Variants in CD164 observed in about 807,000 individuals in gnomAD.
CD164 encodes sialomucin core protein 24.
Under a neutral mutation model 24.6 loss-of-function variants are expected in CD164, and 11 were observed. That is an observed-to-expected ratio of 0.45 (90% CI 0.28 to 0.74). The LOEUF (loss-of-function observed/expected upper bound fraction) is 0.74, where lower values mean the gene tolerates loss of function less well. CD164 is among the 30% of genes least tolerant of loss of function. The probability of loss-of-function intolerance (pLI) is 0.13; values close to 1 mark genes in which losing one functional copy is unlikely to be tolerated. For synonymous variants in CD164, 126 were observed against 100.3 expected (o/e 1.26, Z -1.53); for missense variants, 295 against 243.7 (o/e 1.21, Z -1.40).
chr6:109,374,898 T>C (rs991387786), intron 4 of CD164, among the ~76,000 whole-genome samples: 5 of 152,154 alleles, frequency 3.3e-5, no homozygotes, highest in African/African-American at 9.7e-5. Flanking sequence ...TTCTTACAAA[T>C]TTCCCAATAC....
At chr6:109,380,024 A>T (rs1771648406) in intron 1 of CD164, 1 of 159,544 alleles carries the variant, frequency 6.3e-6, no homozygotes, top group Non-Finnish European at 1.4e-5. Context: ...ATATAATACC[A>T]ACACTACACA....
chr6:109,375,996 A>C (rs1471139441), intron 4 of CD164, 78 bp downstream of exon 4: 2 of 1,100,972 alleles, frequency 1.8e-6, no homozygotes, highest in African/African-American at 3.3e-5. Context: ...CAACTTTTAC[A>C]TAATTATTTA....
At chr6:109,381,994 C>T (rs1014640246) in intron 1 of CD164, 30 of 391,146 alleles carry the variant, frequency 7.7e-5, no homozygotes, top group African/African-American at 5.5e-4. Flanking sequence ...CTGGGAACCG[C>T]GCGTCCGCTT....
chr6:109,379,292 A>G (rs1277067368), intron 2 of CD164, among the ~76,000 whole-genome samples: 1 of 152,188 alleles, frequency 6.6e-6, no homozygotes, highest in Admixed American at 6.5e-5. Flanking sequence ...GGATTGCTTG[A>G]GCCTAGGATT....
At chr6:109,371,943 G>A (rs946182365) in intron 4 of CD164, 1 of 152,188 alleles carries the variant, frequency 6.6e-6, no homozygotes, top group Non-Finnish European at 1.5e-5. Flanking sequence ...TTATAAAAAT[G>A]TAAGGTGCTA....
rs1200521037 is a variant in CD164 at position 109,370,486 on chromosome 6, G to A, written c.371-19C>T. The A allele has an allele frequency of 6.2e-7, 1 of 1,604,590 alleles. No homozygotes were observed. Among genetic ancestry groups the A allele is most frequent in the Non-Finnish European group, 8.5e-7 (1 of 1,174,902 alleles). On this transcript the variant is annotated intron_variant, in intron 4 of 5. Transcript: ENST00000310786. Reference sequence around the variant, plus strand: ...GGTTTAGCTGGAATGAAAACAAAATGTCTTTTTAAAAAACCTTAAATTTCT... The same window carrying A: ...GGTTTAGCTGGAATGAAAACAAAATATCTTTTTAAAAAACCTTAAATTTCT...
In CD164 at chr6:109,377,894, A is replaced by G; in HGVS notation, c.331+6T>C. The G allele has an allele frequency of 1.2e-6, 2 of 1,611,116 alleles. No individual in the cohort carries two copies. The highest frequency in any genetic ancestry group is 1.7e-6 in the Non-Finnish European group (2 of 1,177,368). On this transcript the variant is annotated splice_donor_region_variant and intron_variant, in intron 3 of 5. Coordinates refer to ENST00000310786, the MANE Select transcript of CD164 (RefSeq NM_006016.6). ...CAGCTTCCAAGCAGCCAATATGAAT[A>G]CTTACCGGAACAGAAGTCTGTCGTG...
chr6:109,374,663 A>G (rs1771293217), intron 4 of CD164, among the ~76,000 whole-genome samples: 1 of 152,212 alleles, frequency 6.6e-6, no homozygotes, highest in Non-Finnish European at 1.5e-5. Flanking sequence ...AGGCATACAA[A>G]GGTGTTTCCC....
intron 2 of CD164, among the ~76,000 whole-genome samples, chr6:109,378,738 T>TA (rs901970057): frequency 6.6e-6 from 1 of 151,514 alleles, no homozygotes; most frequent in African/African-American, 2.4e-5. Context: ...TTTTATGACC[T>TA]AAAAAAAAGA....
intron 4 of CD164, among the ~76,000 whole-genome samples, chr6:109,375,368 G>T (rs1771334214): frequency 6.6e-6 from 1 of 152,006 alleles, no homozygotes; most frequent in Admixed American, 6.6e-5. Flanking sequence ...TGTAATCCCG[G>T]CTCTTTGGGA....
rs1295542073 is a variant in CD164, at chr6:109,367,399, T to C, written c.*1452A>G. The C allele has an allele frequency of 1.3e-5, 2 of 152,404 alleles. No individual in the cohort carries two copies. Among genetic ancestry groups the C allele is most frequent in the Non-Finnish European group, 2.9e-5 (2 of 67,996 alleles). 9.4% of individuals were successfully genotyped at this position (152,404 alleles called of 1,614,324 possible). On this transcript the variant is annotated 3_prime_UTR_variant, in exon 6 of 6. Coordinates refer to ENST00000310786, the MANE Select transcript of CD164 (RefSeq NM_006016.6). The stretch of plus-strand genomic sequence containing the variant: ...ATCAAGTGCGAAACTCAGCCACTAT[T>C]GGCTAAAGAAACTAAATAAAAAACG...
At chr6:109,376,147 T>A (rs758221714) in intron 3 of CD164, 35 bp from the exon 4 acceptor site, 3 of 1,478,950 alleles carry the variant, frequency 2.0e-6, no homozygotes, top group Non-Finnish European at 2.7e-6. Context: ...ACCATATACA[T>A]CAAAGCTATT....
chr6:109,368,353 A>G lies in CD164; in HGVS notation c.*498T>C. On this transcript the variant is annotated 3_prime_UTR_variant, in exon 6 of 6. Coordinates refer to ENST00000310786, the MANE Select transcript of CD164 (RefSeq NM_006016.6). ...AATGTAGAAAAAACAGCTGTTATCA[A>G]GCACAAAATTTTAATCTAAGGATAC... 1.3e-6 allele frequency: 2 copies of G among 1,530,478 alleles called. No individual in the cohort carries two copies. The highest frequency in any genetic ancestry group is 1.2e-5 in the South Asian group (1 of 80,648). 94.8% of individuals were successfully genotyped at this position (1,530,478 alleles called of 1,614,324 possible).
intron 4 of CD164, chr6:109,372,379 C>A (rs578116353): frequency 1.3e-5 from 2 of 152,248 alleles, no homozygotes; most frequent in East Asian, 3.9e-4. Context: ...TTGACTGAAT[C>A]CTAGGAAACT....
At chr6:109,373,892 T>G (rs901817823) in intron 4 of CD164, among the ~76,000 whole-genome samples, 1 of 152,184 alleles carries the variant, frequency 6.6e-6, no homozygotes, top group Non-Finnish European at 1.5e-5. Flanking sequence ...TCACTGAACA[T>G]GGGCTGGGAA....
At chr6:109,381,290 G>A (rs1275395011) in intron 1 of CD164, among the ~76,000 whole-genome samples, 1 of 152,094 alleles carries the variant, frequency 6.6e-6, no homozygotes, top group African/African-American at 2.4e-5. Context: ...CTATGCGACT[G>A]CACATAACAA....
chr6:109,381,952 A>G, intron 1 of CD164: 1 of 382,014 alleles, frequency 2.6e-6, no homozygotes, highest in Middle Eastern at 7.0e-4. Context: ...TCGACTTGCA[A>G]CACTTCGAGG....
rs368799216 is a variant in CD164 at position 109,373,368 on chromosome 6, C to T, written c.370+2706G>A. 4.6e-5 allele frequency among the ~76,000 whole-genome samples: 7 copies of T among 152,258 alleles called. No individual in the cohort carries two copies. In the East Asian group the frequency reaches 1.2e-3, roughly 25 times the overall value. On this transcript the variant is annotated intron_variant, in intron 4 of 5. Coordinates refer to ENST00000310786, the MANE Select transcript of CD164 (RefSeq NM_006016.6). The stretch of plus-strand genomic sequence containing the variant: ...ATTCTCTTTGCATTGTTTAACTACC[C>T]CTTCACTTCTCACTTGCTCTCTTCG...
chr6:109,377,926 A>G lies in CD164; in HGVS notation c.305T>C (p.Val102Ala). The G allele has an allele frequency of 6.2e-7, 1 of 1,613,914 alleles. No homozygotes were observed. The highest frequency in any genetic ancestry group is 1.7e-5 in the Admixed American group (1 of 60,026). ...SHNSTVSDCQVGNTTDFCSVS... is the reference protein window; with the variant it reads ...SHNSTVSDCQAGNTTDFCSVS... Reference sequence around the variant, plus strand: ...GGAACAGAAGTCTGTCGTGTTCCCCACTTGACAATCACTAACTGTTGAGTT... The same window carrying G: ...GGAACAGAAGTCTGTCGTGTTCCCCGCTTGACAATCACTAACTGTTGAGTT... Residue 102 changes from valine to alanine, a missense_variant, in exon 3 of 6, where the codon GTG becomes GCG. Physicochemically the swap from Val to Ala is moderately conservative, Grantham distance 64. Transcript: ENST00000310786.
Sources: gnomAD v4.1 joint callset for allele counts (sites outside exome capture counted in the v4.1 genomes callset) on GRCh38, gnomAD v4.1.1 for gene constraint, MANE v1.5 for transcripts, NCBI Gene and HGNC (gene_info 2026-07-23, HGNC 2026-07-21) for gene names.